Variants in PTBP3 observed in about 807,000 individuals in gnomAD.
PTBP3 encodes the protein polypyrimidine tract binding protein 3.
In PTBP3, 20 loss-of-function variants were observed where a neutral mutation model predicts 58.7. The ratio of observed to expected loss-of-function variants is 0.34; its 90% CI spans 0.24 to 0.50. The LOEUF is 0.50. Ranked by LOEUF, PTBP3 falls within the 20% of genes least tolerant of loss-of-function variation. The pLI, the probability that PTBP3 is intolerant of heterozygous loss-of-function variation, is 0.98. For synonymous variants in PTBP3, 185 were observed against 219.8 expected, an observed-to-expected ratio of 0.84 and a Z score of 1.40; for missense variants, 509 against 637.2, an observed-to-expected ratio of 0.80 and a Z score of 2.17.
intron 2 of PTBP3, among the ~76,000 whole-genome samples, chr9:112,277,926 CATAACATAACATAACATAAT>C (rs1420063528): frequency 0.016 from 1,834 of 115,206 alleles, 20 homozygotes; most frequent in African/African-American, 0.032. Flanking sequence ...CATAACATAA[CATAACATAACATAACATAAT>C]ATAACATAAC....
intron 3 of PTBP3, among the ~76,000 whole-genome samples, chr9:112,273,035 G>A (rs1298209743): frequency 6.6e-6 from 1 of 152,084 alleles, no homozygotes; most frequent in Non-Finnish European, 1.5e-5. Context: ...ATATTAACTG[G>A]ACAGATGTTA....
chr9:112,271,527 C>G (rs1450224282), intron 3 of PTBP3, among the ~76,000 whole-genome samples: 11 of 152,270 alleles, frequency 7.2e-5, no homozygotes, highest in African/African-American at 2.6e-4. Flanking sequence ...TTGAGACCAG[C>G]CTAGCCAATG....
the PTBP3 span, among the ~76,000 whole-genome samples, chr9:112,342,416 CAT>C: frequency 6.6e-6 from 1 of 152,124 alleles, no homozygotes; most frequent in Non-Finnish European, 1.5e-5. Flanking sequence ...TACTCTATAA[CAT>C]ATAATATAAG....
upstream of PTBP3, among the ~76,000 whole-genome samples, chr9:112,335,481 T>C (rs1830562334): frequency 6.6e-6 from 1 of 151,742 alleles, no homozygotes; most frequent in Non-Finnish European, 1.5e-5. Context: ...AGACAGGGTT[T>C]CACCATGTTG....
intron 2 of PTBP3, among the ~76,000 whole-genome samples, chr9:112,292,152 C>T (rs1246570630): frequency 6.6e-6 from 1 of 151,972 alleles, no homozygotes; most frequent in East Asian, 1.9e-4. Context: ...AGAAGATATA[C>T]GAATAGCCAA....
intron 7 of PTBP3, among the ~76,000 whole-genome samples, chr9:112,246,606 T>A (rs1189203318): frequency 6.7e-6 from 1 of 150,166 alleles, no homozygotes; most frequent in African/African-American, 2.5e-5. Flanking sequence ...GGCAGGAGTA[T>A]GGTGTGAACC....
the PTBP3 span, among the ~76,000 whole-genome samples, chr9:112,354,315 T>C: frequency 0.011 from 1,742 of 152,306 alleles, 32 homozygotes; most frequent in African/African-American, 0.04. Flanking sequence ...CCCGTATCAA[T>C]ATGGTTCTGA....
Position 112,302,400 on chromosome 9 carries a change from G to A in PTBP3, c.-51-4484C>T, listed in dbSNP as rs113908383. 0.011 allele frequency among the ~76,000 whole-genome samples: 49 copies of A among 4,654 alleles called. No individual in the cohort carries two copies. The African/African-American group carries it at 0.12, about 12-fold the overall frequency. 3.1% of individuals were successfully genotyped at this position (4,654 alleles called of 152,430 possible). A position where few individuals can be genotyped will look rare whatever the true frequency, so the allele number is the denominator to read the frequency against. On this transcript the variant is annotated intron_variant, in intron 1 of 13. Transcript: ENST00000374257. ...CTACCATCCAAACAAGTTACCTGCT[G>A]TGAGGAACCAACTCTTTTCATATTT...
At chr9:112,324,304 T>C (rs1587893336) in intron 1 of PTBP3, among the ~76,000 whole-genome samples, 1 of 152,230 alleles carries the variant, frequency 6.6e-6, no homozygotes, top group East Asian at 1.9e-4. Flanking sequence ...TAAATGTATA[T>C]GCTACAATGT....
chr9:112,285,429 G>A (rs559837359), intron 2 of PTBP3, among the ~76,000 whole-genome samples: 1 of 152,262 alleles, frequency 6.6e-6, no homozygotes, highest in South Asian at 2.1e-4. Context: ...TAATACAATT[G>A]GTGACTACTT....
intron 7 of PTBP3, among the ~76,000 whole-genome samples, chr9:112,235,098 G>C (rs1363818530): frequency 6.6e-6 from 1 of 152,126 alleles, no homozygotes. Context: ...TTGGGTTCAA[G>C]GACCAAGAGT....
chr9:112,323,613 G>C (rs1830037484), intron 1 of PTBP3, among the ~76,000 whole-genome samples: 1 of 152,140 alleles, frequency 6.6e-6, no homozygotes, highest in South Asian at 2.1e-4. Context: ...GGAAATGCTA[G>C]AAATAAAAAA....
At chr9:112,249,323 T>C (rs1836010135) in intron 7 of PTBP3, among the ~76,000 whole-genome samples, 1 of 152,140 alleles carries the variant, frequency 6.6e-6, no homozygotes, top group Non-Finnish European at 1.5e-5. Flanking sequence ...ACGTGTTTTA[T>C]AAGCTTTTCT....
intron 2 of PTBP3, among the ~76,000 whole-genome samples, chr9:112,285,170 T>C (rs558032113): frequency 7.4e-4 from 113 of 152,280 alleles, no homozygotes; most frequent in Admixed American, 2.7e-3. Context: ...ATGGGGGTGG[T>C]TCCCCCCATG....
At chr9:112,321,794 C>G (rs1328813124) in intron 1 of PTBP3, among the ~76,000 whole-genome samples, 1 of 152,032 alleles carries the variant, frequency 6.6e-6, no homozygotes, top group African/African-American at 2.4e-5. Context: ...GCCTGTAGTC[C>G]TAAGGGGCCC....
intron 1 of PTBP3, among the ~76,000 whole-genome samples, chr9:112,316,799 C>A (rs1305545500): frequency 3.3e-5 from 5 of 151,854 alleles, no homozygotes; most frequent in Admixed American, 2.6e-4. Context: ...TGGCGAAACA[C>A]CGTCTCTACT....
the PTBP3 span, among the ~76,000 whole-genome samples, chr9:112,364,270 G>A: frequency 1.6e-5 from 2 of 128,272 alleles, no homozygotes; most frequent in African/African-American, 6.0e-5. Flanking sequence ...TTTGATAAGA[G>A]AATTTCAAGA....
chr9:112,379,855 G>A, the PTBP3 span: 1 of 520,754 alleles, frequency 1.9e-6, no homozygotes, highest in Non-Finnish European at 3.4e-6. Flanking sequence ...GGCGCCGACA[G>A]GAGCCTGATT....
chr9:112,275,925 A>G lies in PTBP3; in HGVS notation c.123T>C (p.Asp41=). The G allele has an allele frequency of 3.7e-6, 6 of 1,613,760 alleles. No individual in the cohort carries two copies. In the South Asian group the frequency reaches 6.6e-5, roughly 18 times the overall value. ...RVLHLRKIPC[D]VTEAEIISLG... ...ATGATATGATCTCTGCTTCGGTGACATCACATGGAATTTTTCGAAGATGGA... is the reference window on the plus strand; with the variant it reads ...ATGATATGATCTCTGCTTCGGTGACGTCACATGGAATTTTTCGAAGATGGA... The change falls in exon 3 of 14, where the codon GAT becomes GAC. Residue 41 remains aspartate (D), a synonymous_variant. Transcript: ENST00000374257.
Sources: gnomAD v4.1 joint callset for allele counts (sites outside exome capture counted in the v4.1 genomes callset) on GRCh38, gnomAD v4.1.1 for gene constraint, MANE v1.5 for transcripts, NCBI Gene and HGNC (gene_info 2026-07-23, HGNC 2026-07-21) for gene names.